Variants in SMYD3 observed in about 807,000 individuals in gnomAD.
SMYD3 encodes the protein histone-lysine N-methyltransferase SMYD3.
Under a neutral mutation model 57.7 loss-of-function variants are expected in SMYD3, and 36 were observed. The observed-to-expected ratio is 0.62, with a 90% CI of 0.48 to 0.82. The LOEUF is 0.82. SMYD3 is among the 40% of genes least tolerant of loss of function. SMYD3 has a pLI of 0.00. For synonymous variants in SMYD3, 211 were observed against 195.0 expected, an observed-to-expected ratio of 1.08 and a Z score of -0.68; for missense variants, 515 against 538.8, an observed-to-expected ratio of 0.96 and a Z score of 0.44.
intron 5 of SMYD3, among the ~76,000 whole-genome samples, chr1:245,971,218 G>T (rs1180847801): frequency 6.6e-6 from 1 of 152,146 alleles, no homozygotes; most frequent in Non-Finnish European, 1.5e-5. Context: ...AACACCACAT[G>T]TTCTCACTCT....
At position 246,164,816 on chromosome 1, in the gene SMYD3, C is replaced by G. The variant is rs147649028; in HGVS notation, c.531+162385G>C. On this transcript the variant is annotated intron_variant, in intron 5 of 11. Transcript: ENST00000490107. Reference sequence around the variant, plus strand: ...GAAGAGTATCAATCATGGAAAACATCTATTTATCAGTCCGTTCATTTACTT... The same window carrying G: ...GAAGAGTATCAATCATGGAAAACATGTATTTATCAGTCCGTTCATTTACTT... 4.6e-5 allele frequency among the ~76,000 whole-genome samples: 7 copies of G among 152,328 alleles called. No individual in the cohort carries two copies. In the East Asian group the frequency reaches 1.3e-3, roughly 29 times the overall value.
chr1:246,100,283 G>A (rs768058626), intron 5 of SMYD3, among the ~76,000 whole-genome samples: 6 of 152,212 alleles, frequency 3.9e-5, no homozygotes, highest in Non-Finnish European at 7.3e-5. Context: ...CAGAAATGAT[G>A]ATTAAAAGGG....
intron 5 of SMYD3, among the ~76,000 whole-genome samples, chr1:246,075,578 C>T (rs1224764123): frequency 6.6e-6 from 1 of 152,074 alleles, no homozygotes; most frequent in African/African-American, 2.4e-5. Context: ...TAATTTATTA[C>T]CAGCAGACCT....
intron 1 of SMYD3, among the ~76,000 whole-genome samples, chr1:246,493,210 G>C (rs867310935): frequency 1.7e-4 from 24 of 144,998 alleles, no homozygotes; most frequent in African/African-American, 3.7e-4. Context: ...CCTAGCTACT[G>C]GGGGGGAGGA....
chr1:246,107,791 T>C (rs184126248), intron 5 of SMYD3, among the ~76,000 whole-genome samples: 73 of 152,330 alleles, frequency 4.8e-4, no homozygotes, highest in Non-Finnish European at 7.4e-5. Flanking sequence ...TATAAGTGGA[T>C]TTAACTCAAG....
At chr1:246,053,340 G>A (rs772596735) in intron 5 of SMYD3, among the ~76,000 whole-genome samples, 6 of 152,018 alleles carry the variant, frequency 3.9e-5, no homozygotes, top group Admixed American at 6.6e-5. Context: ...ATTAAAAAAT[G>A]TTTATGAAAA....
chr1:245,839,396 C>T (rs1185163574), intron 10 of SMYD3, among the ~76,000 whole-genome samples: 6 of 152,094 alleles, frequency 3.9e-5, no homozygotes, highest in African/African-American at 1.4e-4. Context: ...GTCTCGATCT[C>T]CTGACCTCGT....
intron 1 of SMYD3, among the ~76,000 whole-genome samples, chr1:246,499,301 C>G (rs546801516): frequency 6.6e-6 from 1 of 151,330 alleles, no homozygotes; most frequent in Non-Finnish European, 1.5e-5. Context: ...GAGACTCTAT[C>G]TCAAAAAAAG....
chr1:245,937,962 T>C (rs1190889378), intron 5 of SMYD3, among the ~76,000 whole-genome samples: 1 of 152,252 alleles, frequency 6.6e-6, no homozygotes, highest in East Asian at 1.9e-4. Context: ...GCTCAAGTTA[T>C]CTGTTTTTCC....
chr1:246,095,030 T>C (rs1251495758), intron 5 of SMYD3, among the ~76,000 whole-genome samples: 1 of 152,130 alleles, frequency 6.6e-6, no homozygotes, highest in Non-Finnish European at 1.5e-5. Context: ...TCGGGCACCA[T>C]CTTCTTCAAA....
At chr1:246,377,577 C>G (rs1296846838) in intron 1 of SMYD3, among the ~76,000 whole-genome samples, 1 of 152,130 alleles carries the variant, frequency 6.6e-6, no homozygotes, top group Non-Finnish European at 1.5e-5. Context: ...CCATGTTGGT[C>G]AGGCTAGTCT....
chr1:246,424,990 T>C (rs1055991091), intron 1 of SMYD3, among the ~76,000 whole-genome samples: 1 of 152,200 alleles, frequency 6.6e-6, no homozygotes, highest in Non-Finnish European at 1.5e-5. Context: ...ATGATAGAAT[T>C]CATATTGGCG....
At chr1:246,164,584 G>C (rs1407249755) in intron 5 of SMYD3, among the ~76,000 whole-genome samples, 1 of 152,128 alleles carries the variant, frequency 6.6e-6, no homozygotes, top group Non-Finnish European at 1.5e-5. Flanking sequence ...CATGGACGGG[G>C]GCATGTGAGT....
chr1:245,957,741 T>C (rs1483607571), intron 5 of SMYD3, among the ~76,000 whole-genome samples: 8 of 152,224 alleles, frequency 5.3e-5, no homozygotes, highest in Non-Finnish European at 1.2e-4. Flanking sequence ...TTTTGTCTAC[T>C]TTCTTTGCCT....
chr1:246,010,980 G>A (rs2059272045), intron 5 of SMYD3, among the ~76,000 whole-genome samples: 1 of 152,212 alleles, frequency 6.6e-6, no homozygotes, highest in Non-Finnish European at 1.5e-5. Context: ...CACAGGGTTT[G>A]AAGACGGCTG....
intron 5 of SMYD3, among the ~76,000 whole-genome samples, chr1:245,978,627 A>G (rs1036737728): frequency 6.6e-6 from 1 of 152,198 alleles, no homozygotes; most frequent in Non-Finnish European, 1.5e-5. Context: ...TAAATCCTCC[A>G]GAGCAGGCAG....
chr1:246,359,300 C>T (rs2065953817), intron 1 of SMYD3, among the ~76,000 whole-genome samples: 1 of 151,962 alleles, frequency 6.6e-6, no homozygotes, highest in South Asian at 2.1e-4. Flanking sequence ...TAACAAGCAG[C>T]AAGACTGAAA....
At chr1:246,332,465 G>C (rs2065476743) in intron 3 of SMYD3, among the ~76,000 whole-genome samples, 1 of 152,224 alleles carries the variant, frequency 6.6e-6, no homozygotes, top group Admixed American at 6.5e-5. Flanking sequence ...GAAGTTAACA[G>C]AGGTTGGTTC....
intron 5 of SMYD3, among the ~76,000 whole-genome samples, chr1:246,033,317 T>C (rs1392255753): frequency 6.6e-6 from 1 of 152,222 alleles, no homozygotes; most frequent in African/African-American, 2.4e-5. Flanking sequence ...CTGCATTTTC[T>C]ATTTATACAA....
Sources: gnomAD v4.1 joint callset for allele counts (sites outside exome capture counted in the v4.1 genomes callset) on GRCh38, gnomAD v4.1.1 for gene constraint, MANE v1.5 for transcripts, NCBI Gene and HGNC (gene_info 2026-07-23, HGNC 2026-07-21) for gene names.